FREM2: variants seen among roughly 807,000 people sequenced by gnomAD.
The protein encoded by FREM2 is FRAS1-related extracellular matrix protein 2.
Under a neutral mutation model 219.9 loss-of-function variants are expected in FREM2, and 119 were observed. The ratio of observed to expected loss-of-function variants is 0.54; its 90% CI spans 0.47 to 0.63. The LOEUF (loss-of-function observed/expected upper bound fraction) is 0.63, where lower values mean the gene tolerates loss of function less well. FREM2 is among the 30% of genes least tolerant of loss of function. The pLI, the probability that FREM2 is intolerant of heterozygous loss-of-function variation, is 0.00. For missense variants in FREM2, 4,030 were observed against 3,993.6 expected (o/e 1.01, Z -0.25); for synonymous variants, 1,562 against 1,522.8 (o/e 1.03, Z -0.60).
chr13:38,782,972 GA>G (rs1162670882), intron 4 of FREM2, 97 bp from the exon 5 acceptor site: 1 of 1,425,674 alleles, frequency 7.0e-7, no homozygotes, highest in Admixed American at 1.7e-5. Flanking sequence ...ATTCAAGGGG[GA>G]AAAATCAATC....
rs571829255 is a variant in FREM2 at position 38,886,644 on chromosome 13, C to T, written c.*5857C>T. 3.9e-5 allele frequency: 6 copies of T among 152,256 alleles called. No homozygotes were observed. The highest frequency in any genetic ancestry group is 2.1e-4 in the South Asian group (1 of 4,816). 9.4% of individuals were successfully genotyped at this position (152,256 alleles called of 1,614,324 possible). ...AACTCCCAACCTCAGATGATCCTCC[C>T]GCCTCCACCTCCCAAAGTACTGGAA... On this transcript the variant is annotated 3_prime_UTR_variant, in exon 24 of 24. Transcript: ENST00000280481.
Position 38,859,870 on chromosome 13 carries a change from A to T in FREM2, c.7519+280A>T, listed in dbSNP as rs1483095878. Among the ~76,000 whole-genome samples the T allele has an allele frequency of 6.9e-3, 1,046 of 152,280 alleles. 7 individuals are homozygous for T. The highest frequency in any genetic ancestry group is 0.024 in the African/African-American group (994 of 41,554). ...TTTTGAGGAATTCTTGGTCCAGTTGAAGATGCAGACACATTTTAGTCTAGA... is the reference window on the plus strand; with the variant it reads ...TTTTGAGGAATTCTTGGTCCAGTTGTAGATGCAGACACATTTTAGTCTAGA... On this transcript the variant is annotated intron_variant, in intron 14 of 23. Coordinates refer to ENST00000280481, the MANE Select transcript of FREM2 (RefSeq NM_207361.6).
At chr13:38,709,740 C>T (rs1870690244) in intron 2 of FREM2, among the ~76,000 whole-genome samples, 1 of 152,040 alleles carries the variant, frequency 6.6e-6, no homozygotes, top group Non-Finnish European at 1.5e-5. Context: ...GGGTACTCTC[C>T]TAGGACCGTG....
intron 4 of FREM2, among the ~76,000 whole-genome samples, chr13:38,782,689 G>A (rs1874164997): frequency 6.6e-6 from 1 of 152,214 alleles, no homozygotes; most frequent in South Asian, 2.1e-4. Flanking sequence ...CAAAGTGGGA[G>A]ATGGGACAAG....
chr13:38,731,292 A>C (rs536619817), intron 2 of FREM2, among the ~76,000 whole-genome samples: 1 of 152,228 alleles, frequency 6.6e-6, no homozygotes, highest in African/African-American at 2.4e-5. Context: ...TGACAAAAAC[A>C]TACAAAGTAA....
At position 38,817,811 on chromosome 13, in the gene FREM2, G is replaced by A. The variant is rs533131654; in HGVS notation, c.6020-28762G>A. 8.4e-4 allele frequency among the ~76,000 whole-genome samples: 127 copies of A among 152,074 alleles called. No homozygotes were observed. In the South Asian group the frequency reaches 0.013, roughly 16 times the overall value. The stretch of plus-strand genomic sequence containing the variant: ...GAAAATATTTGCAAACTATAGATGC[G>A]AAAACGGGTTAATATCTAGAATATA... On this transcript the variant is annotated intron_variant, in intron 6 of 23. Coordinates refer to ENST00000280481, the MANE Select transcript of FREM2 (RefSeq NM_207361.6).
At chr13:38,802,683 G>T (rs979785824) in intron 6 of FREM2, among the ~76,000 whole-genome samples, 1 of 152,214 alleles carries the variant, frequency 6.6e-6, no homozygotes, top group Non-Finnish European at 1.5e-5. Context: ...GTCCTTTGGG[G>T]GTTTGATTCT....
chr13:38,698,253 T>C (rs973544712), intron 2 of FREM2, among the ~76,000 whole-genome samples: 2 of 152,206 alleles, frequency 1.3e-5, no homozygotes, highest in African/African-American at 4.8e-5. Flanking sequence ...CACCAAGAAA[T>C]CAGTAGTAAA....
intron 2 of FREM2, among the ~76,000 whole-genome samples, chr13:38,756,491 G>A (rs1229905407): frequency 6.7e-6 from 1 of 150,136 alleles, no homozygotes; most frequent in Non-Finnish European, 1.5e-5. Flanking sequence ...TCTTAGGAAC[G>A]CCAGACACTG....
chr13:38,687,256 G>C lies in FREM2; in HGVS notation c.-89G>C. 1 of 1,527,618 alleles carries C rather than the reference G, an allele frequency of 6.5e-7. No individual in the cohort carries two copies. Among genetic ancestry groups the C allele is most frequent in the Non-Finnish European group, 8.9e-7 (1 of 1,127,494 alleles). The allele number at this position is 1,527,618 out of a possible 1,614,324, so 94.6% of individuals were successfully genotyped here. A position where few individuals can be genotyped will look rare whatever the true frequency, so the allele number is the denominator to read the frequency against. ...CCGCGGGCAACGCGCGGAGTTCCTG[G>C]CACTTCCCGGCGGTGTCTCTTGTTG... On this transcript the variant is annotated 5_prime_UTR_variant, in exon 1 of 24. Coordinates refer to ENST00000280481, the MANE Select transcript of FREM2 (RefSeq NM_207361.6).
chr13:38,773,199 T>C (rs937843228), intron 4 of FREM2, among the ~76,000 whole-genome samples: 2 of 152,154 alleles, frequency 1.3e-5, no homozygotes, highest in African/African-American at 4.8e-5. Context: ...GTTATATGCT[T>C]GCTTATTTCT....
intron 6 of FREM2, among the ~76,000 whole-genome samples, chr13:38,815,635 A>G (rs1375382002): frequency 2.6e-5 from 4 of 152,220 alleles, no homozygotes; most frequent in African/African-American, 9.6e-5. Context: ...TAAGGATACG[A>G]GGACTATTTG....
chr13:38,785,157 G>C (rs1448501043), intron 6 of FREM2, among the ~76,000 whole-genome samples: 1 of 152,004 alleles, frequency 6.6e-6, no homozygotes, highest in Non-Finnish European at 1.5e-5. Context: ...GCTTTTAAAA[G>C]CTTATATTTT....
At chr13:38,818,732 G>T (rs1875872473) in intron 6 of FREM2, among the ~76,000 whole-genome samples, 1 of 151,994 alleles carries the variant, frequency 6.6e-6, no homozygotes, top group Non-Finnish European at 1.5e-5. Context: ...GGAGGTTGAG[G>T]CAGGTGGATC....
rs1249714273 is a variant in FREM2 at position 38,813,466 on chromosome 13, C to T, written c.6019+28658C>T. The stretch of plus-strand genomic sequence containing the variant: ...AGCTTTATTATATGTTATTTGTTTT[C>T]TCTCTCTCTCTCTCTCTCTCTCTCT... On this transcript the variant is annotated intron_variant, in intron 6 of 23. Transcript: ENST00000280481. Among the ~76,000 whole-genome samples the T allele has an allele frequency of 7.3e-3, 31 of 4,262 alleles. No homozygotes were observed. The South Asian group carries it at 0.11, about 14-fold the overall frequency. 2.8% of individuals were successfully genotyped at this position (4,262 alleles called of 152,430 possible). A position where few individuals can be genotyped will look rare whatever the true frequency, so the allele number is the denominator to read the frequency against.
Position 38,850,162 on chromosome 13 carries a change from G to T in FREM2, c.6504G>T (p.Gln2168His). The T allele has an allele frequency of 6.2e-7, 1 of 1,614,082 alleles. No individual in the cohort carries two copies. The highest frequency in any genetic ancestry group is 8.5e-7 in the Non-Finnish European group (1 of 1,179,950). The change falls in exon 9 of 24, where the codon CAG becomes CAT. Residue 2168 changes from glutamine to histidine, a missense_variant. By Grantham distance (24) the Gln-to-His change is conservative. Around this residue, in one of 2 missense-constraint regions of FREM2, gnomAD observed 3,102 missense variants for 2,950.7 expected, o/e 1.05. Coordinates refer to ENST00000280481, the MANE Select transcript of FREM2 (RefSeq NM_207361.6). ...CTTCAGTGAGATGCTACACCCGGCA[G>T]GGGTCTGCACAGGTGATGATGGACT... is the stretch of plus-strand genomic sequence containing the variant. ...YRSSVRCYTR[Q>H]GSAQVMMDFE...
chr13:38,783,060 T>G lies in FREM2; in HGVS notation c.5642-10T>G. ...CAAAAATAATGCTTGCAATTGTGTT[T>G]TCTCTCTAGAGCCAACTGTGTTTAT... On this transcript the variant is annotated splice_polypyrimidine_tract_variant and intron_variant, in intron 4 of 23. Transcript: ENST00000280481. The G allele has an allele frequency of 6.2e-7, 1 of 1,613,256 alleles. No homozygotes were observed.
rs1878608095 is a variant in FREM2 at position 38,883,201 on chromosome 13, G to C, written c.*2414G>C. The C allele has an allele frequency of 6.6e-6, 1 of 151,888 alleles. No homozygotes were observed. The highest frequency in any genetic ancestry group is 2.1e-4 in the South Asian group (1 of 4,832). 9.4% of individuals were successfully genotyped at this position (151,888 alleles called of 1,614,324 possible). ...CAGATATAGCTTTTTAAAATATAAA[G>C]TACTTGGGATTTTGCATTATTTTTC... On this transcript the variant is annotated 3_prime_UTR_variant, in exon 24 of 24. Coordinates refer to ENST00000280481, the MANE Select transcript of FREM2 (RefSeq NM_207361.6).
At chr13:38,831,883 G>T (rs1459797598) in intron 6 of FREM2, among the ~76,000 whole-genome samples, 12 of 151,884 alleles carry the variant, frequency 7.9e-5, no homozygotes, top group Admixed American at 7.9e-4. Context: ...GCCTACCGGA[G>T]TGCTGGGATT....
Sources: allele counts gnomAD v4.1 joint callset (sites outside exome capture counted in the v4.1 genomes callset), GRCh38; gene constraint gnomAD v4.1.1; regional missense constraint gnomAD v4.1.1; transcripts MANE v1.5; gene names NCBI Gene and HGNC (gene_info 2026-07-23, HGNC 2026-07-21).